CCDC102B: variants seen among roughly 807,000 people sequenced by gnomAD.
The protein encoded by CCDC102B is coiled-coil domain-containing protein 102B.
CCDC102B carries 75 observed loss-of-function variants against 57.4 expected under a neutral mutation model. That is an observed-to-expected ratio of 1.31 (90% CI 1.08 to 1.58). The LOEUF (loss-of-function observed/expected upper bound fraction) is 1.58, where lower values mean the gene tolerates loss of function less well. CCDC102B is among the 40% of genes most tolerant of loss of function. The pLI is 0.00. For missense variants in CCDC102B, 636 were observed against 582.6 expected (o/e 1.09, Z -0.94); for synonymous variants, 206 against 201.9 (o/e 1.02, Z -0.17).
chr18:68,824,578 G>T (rs1568270794), intron 1 of CCDC102B, among the ~76,000 whole-genome samples: 1 of 152,162 alleles, frequency 6.6e-6, no homozygotes, highest in Non-Finnish European at 1.5e-5. Flanking sequence ...TCCTCGTCTT[G>T]TTCCAGTTCT....
intron 2 of CCDC102B, among the ~76,000 whole-genome samples, chr18:68,784,776 T>C (rs549622792): frequency 1.3e-5 from 2 of 152,278 alleles, no homozygotes; most frequent in East Asian, 3.9e-4. Flanking sequence ...CTTTTAGTAC[T>C]TGGTTCAGAT....
At chr18:68,812,833 G>A (rs936122744) in intron 1 of CCDC102B, among the ~76,000 whole-genome samples, 1 of 152,198 alleles carries the variant, frequency 6.6e-6, no homozygotes, top group Non-Finnish European at 1.5e-5. Context: ...TCCTAGGGAA[G>A]TTGAATAATT....
chr18:68,758,899 A>G (rs1210668945), intron 2 of CCDC102B, among the ~76,000 whole-genome samples: 1 of 151,572 alleles, frequency 6.6e-6, no homozygotes, highest in East Asian at 1.9e-4. Context: ...AAATACAACA[A>G]CTTAAAACAA....
chr18:68,900,467 A>T lies in CCDC102B; in HGVS notation c.1263+3039A>T, dbSNP rs187038082. On this transcript the variant is annotated intron_variant, in intron 6 of 7. Coordinates refer to ENST00000360242, the MANE Select transcript of CCDC102B (RefSeq NM_024781.3). ...AACTGATATGACGTAAAGTTTTTTT[A>T]AAAAAAAGTCTTCCATACACTCAGA... is the stretch of plus-strand genomic sequence containing the variant. 3.8e-3 allele frequency among the ~76,000 whole-genome samples: 574 copies of T among 151,982 alleles called. 3 individuals are homozygous for T. The highest frequency in any genetic ancestry group is 9.9e-3 in the African/African-American group (411 of 41,454).
At chr18:69,029,572 A>G (rs1350839972) in intron 7 of CCDC102B, among the ~76,000 whole-genome samples, 2 of 152,198 alleles carry the variant, frequency 1.3e-5, no homozygotes, top group East Asian at 1.9e-4. Flanking sequence ...AGCTCTTCCC[A>G]ATACTCCACT....
chr18:68,722,432 A>G (rs1255883591), intron 2 of CCDC102B, among the ~76,000 whole-genome samples: 1 of 152,166 alleles, frequency 6.6e-6, no homozygotes, highest in East Asian at 1.9e-4. Context: ...GCTGTTATAA[A>G]AGACACCCCA....
intron 6 of CCDC102B, among the ~76,000 whole-genome samples, chr18:68,966,070 C>G (rs1007919060): frequency 2.0e-5 from 3 of 152,138 alleles, no homozygotes; most frequent in Non-Finnish European, 4.4e-5. Flanking sequence ...GTGGTCTCCA[C>G]GAACACTGTG....
intron 1 of CCDC102B, among the ~76,000 whole-genome samples, chr18:68,810,680 G>GTTTTTTTTTTTTTTT (rs61714863): frequency 9.1e-5 from 7 of 77,048 alleles, no homozygotes; most frequent in African/African-American, 1.5e-4. Context: ...TCTTTTCTTT[G>GTTTTTTTTTTTTTTT]TTTTTTTTTT....
rs1362821783 is a variant in CCDC102B at position 68,922,651 on chromosome 18, C to G, written c.1263+25223C>G. ...CTCAGGTGGATCTCTCTCCCCATGC[C>G]TTCTGAAGCCTCAGGTGTTCCCTCT... is the stretch of plus-strand genomic sequence containing the variant. On this transcript the variant is annotated intron_variant, in intron 6 of 7. Coordinates refer to ENST00000360242, the MANE Select transcript of CCDC102B (RefSeq NM_024781.3). 2.6e-5 allele frequency among the ~76,000 whole-genome samples: 4 copies of G among 152,104 alleles called. No homozygotes were observed. In the East Asian group the frequency reaches 7.8e-4, roughly 29 times the overall value.
In CCDC102B at chr18:69,054,267, A is replaced by G; in HGVS notation, c.*130A>G. On this transcript the variant is annotated 3_prime_UTR_variant, in exon 8 of 8. Coordinates refer to ENST00000360242, the MANE Select transcript of CCDC102B (RefSeq NM_024781.3). ...TGAAAAAAACGTAGACAATACACAA[A>G]TTAATGGGCTTCTTCACTTCTTCTA... 5.2e-6 allele frequency: 7 copies of G among 1,335,124 alleles called. No individual in the cohort carries two copies. The South Asian group carries it at 6.3e-5, about 12-fold the overall frequency. The allele number at this position is 1,335,124 out of a possible 1,614,324, so 82.7% of individuals were successfully genotyped here.
At chr18:68,845,667 G>A (rs1022507200) in intron 3 of CCDC102B, among the ~76,000 whole-genome samples, 7 of 151,794 alleles carry the variant, frequency 4.6e-5, no homozygotes, top group Non-Finnish European at 1.0e-4. Flanking sequence ...GACATTGTGG[G>A]CAAAACAAAC....
chr18:68,823,822 T>A (rs1328669706), intron 1 of CCDC102B, among the ~76,000 whole-genome samples: 3 of 152,170 alleles, frequency 2.0e-5, no homozygotes, highest in Admixed American at 1.3e-4. Flanking sequence ...AATGAGCATC[T>A]TTTCACATGT....
At chr18:68,798,316 C>T (rs939221180) in intron 1 of CCDC102B, 135 bp downstream of exon 1, 1 of 152,140 alleles carries the variant, frequency 6.6e-6, no homozygotes, top group Non-Finnish European at 1.5e-5. Context: ...AGCTGGGAAG[C>T]AGAAGGATTT....
chr18:68,841,406 A>C (rs753990238), intron 3 of CCDC102B, among the ~76,000 whole-genome samples: 10 of 152,174 alleles, frequency 6.6e-5, no homozygotes, highest in African/African-American at 1.4e-4. Context: ...ATAATTATCC[A>C]GTGTATAAAA....
At chr18:68,962,431 A>G (rs2050068473) in intron 6 of CCDC102B, among the ~76,000 whole-genome samples, 1 of 152,082 alleles carries the variant, frequency 6.6e-6, no homozygotes, top group South Asian at 2.1e-4. Context: ...TCAGTACAGT[A>G]ATACTCTCCT....
intron 4 of CCDC102B, among the ~76,000 whole-genome samples, chr18:68,858,728 A>G (rs1342141408): frequency 1.3e-5 from 2 of 152,146 alleles, no homozygotes; most frequent in East Asian, 3.9e-4. Flanking sequence ...CATTGAAGTG[A>G]GATTTCTACC....
At chr18:68,917,660 A>G (rs887109806) in intron 6 of CCDC102B, among the ~76,000 whole-genome samples, 5 of 152,118 alleles carry the variant, frequency 3.3e-5, no homozygotes, top group East Asian at 1.9e-4. Context: ...AGTTTCTTTA[A>G]TTTAAAAACC....
Position 69,014,978 on chromosome 18 carries a change from A to AGAGTGTGTGTGTGTGTGTGTGTGTGTGT in CCDC102B, c.1434+3875_1434+3876insAGTGTGTGTGTGTGTGTGTGTGTGTGTG, listed in dbSNP as rs139377520. On this transcript the variant is annotated intron_variant, in intron 7 of 7. Transcript: ENST00000360242. ...GTGAATGAGAGAGAGAGAGAGAGAG[A>AGAGTGTGTGTGTGTGTGTGTGTGTGTGT]GTGTGTGTGTGTGTGTGTGTGTGTG... 6.1e-3 allele frequency among the ~76,000 whole-genome samples: 847 copies of AGAGTGTGTGTGTGTGTGTGTGTGTGTGT among 139,308 alleles called. 9 individuals are homozygous for AGAGTGTGTGTGTGTGTGTGTGTGTGTGT. Among genetic ancestry groups the AGAGTGTGTGTGTGTGTGTGTGTGTGTGT allele is most frequent in the East Asian group, 0.041 (179 of 4,414 alleles). 91.4% of individuals were successfully genotyped at this position (139,308 alleles called of 152,430 possible). A position where few individuals can be genotyped will look rare whatever the true frequency, so the allele number is the denominator to read the frequency against.
At chr18:69,053,984 A>G in intron 7 of CCDC102B, 46 bp from the exon 8 acceptor site, 5 of 1,483,360 alleles carry the variant, frequency 3.4e-6, no homozygotes, top group Non-Finnish European at 4.6e-6. Flanking sequence ...ATGATGTACT[A>G]TAGAACACTT....
Sources: gnomAD v4.1 joint callset for allele counts (sites outside exome capture counted in the v4.1 genomes callset) on GRCh38, gnomAD v4.1.1 for gene constraint, MANE v1.5 for transcripts, NCBI Gene and HGNC (gene_info 2026-07-23, HGNC 2026-07-21) for gene names.